The following TOMM70 variants were observed in gnomAD, a reference collection of about 807,000 sequenced individuals.
TOMM70 encodes translocase of outer mitochondrial membrane 70.
In TOMM70, 13 loss-of-function variants were observed where a neutral mutation model predicts 73.6. The ratio of observed to expected loss-of-function variants is 0.18; its 90% CI spans 0.11 to 0.28. The LOEUF (loss-of-function observed/expected upper bound fraction) is 0.28. Among genes scored for constraint, TOMM70 ranks in the 10% least tolerant of loss-of-function variants. The pLI, the probability that TOMM70 is intolerant of heterozygous loss-of-function variation, is 1.00. For missense variants in TOMM70, 609 were observed against 747.5 expected (o/e 0.81, Z 2.16); for synonymous variants, 257 against 271.2 (o/e 0.95, Z 0.51).
chr3:100,368,680 A>T (rs1211338872), intron 10 of TOMM70, among the ~76,000 whole-genome samples: 1 of 152,060 alleles, frequency 6.6e-6, no homozygotes. Flanking sequence ...GGTTCAAGTG[A>T]TTCTCACTCC....
At chr3:100,368,810 A>T (rs761877988) in intron 10 of TOMM70, among the ~76,000 whole-genome samples, 2 of 152,176 alleles carry the variant, frequency 1.3e-5, no homozygotes, top group Non-Finnish European at 2.9e-5. Flanking sequence ...TCCCAACCTC[A>T]GATGATCTGC....
At chr3:100,371,834 T>G (rs993690339) in intron 9 of TOMM70, among the ~76,000 whole-genome samples, 1 of 152,050 alleles carries the variant, frequency 6.6e-6, no homozygotes. Flanking sequence ...TGCTGCAGAT[T>G]TGACAGTGAC....
intron 11 of TOMM70, among the ~76,000 whole-genome samples, 163 bp from the exon 12 acceptor site, chr3:100,365,880 T>C (rs1275995227): frequency 6.6e-6 from 1 of 152,208 alleles, no homozygotes; most frequent in Non-Finnish European, 1.5e-5. Flanking sequence ...AAGTTTCTAC[T>C]ATGATTCTAG....
intron 9 of TOMM70, among the ~76,000 whole-genome samples, chr3:100,370,840 G>A (rs1706501812): frequency 6.6e-6 from 1 of 152,108 alleles, no homozygotes; most frequent in African/African-American, 2.4e-5. Context: ...ATGGTAATAG[G>A]GAAATATGCT....
intron 6 of TOMM70, among the ~76,000 whole-genome samples, chr3:100,375,835 T>C (rs1576212113): frequency 6.6e-6 from 1 of 152,330 alleles, no homozygotes; most frequent in East Asian, 1.9e-4. Flanking sequence ...CACCCAGCTC[T>C]CATGTACAAG....
chr3:100,374,903 T>C, intron 7 of TOMM70, 115 bp downstream of exon 7: 1 of 1,229,936 alleles, frequency 8.1e-7, no homozygotes, highest in South Asian at 2.0e-5. Context: ...GATACTTTGT[T>C]CACAGCTATC....
chr3:100,365,493 C>G lies in TOMM70; in HGVS notation c.*71G>C, dbSNP rs1706438881. On this transcript the variant is annotated 3_prime_UTR_variant, in exon 12 of 12. Transcript: ENST00000284320. ...TTCCACCATTCAACACAGTTCATGA[C>G]AGTGTCTTTAGGGTTCAGTTGAAGA... 1.9e-6 allele frequency: 3 copies of G among 1,591,444 alleles called. No individual in the cohort carries two copies. The highest frequency in any genetic ancestry group is 3.3e-4 in the Middle Eastern group (2 of 5,986).
In TOMM70 at chr3:100,376,470, C is replaced by T. The variant is rs1706567851; in HGVS notation, c.1092+1235G>A. On this transcript the variant is annotated intron_variant, in intron 6 of 11. Coordinates refer to ENST00000284320, the MANE Select transcript of TOMM70 (RefSeq NM_014820.5). ...ACTTGACCTCCCAGGTACAGGTGAT[C>T]CTCCCATCTCAGCCTCCTGAGTAGC... Among the ~76,000 whole-genome samples the T allele has an allele frequency of 4.7e-5, 7 of 150,226 alleles. No individual in the cohort carries two copies. In the South Asian group the frequency reaches 1.5e-3, roughly 32 times the overall value.
In TOMM70 at chr3:100,401,089, G is replaced by A; in HGVS notation, c.-140C>T. 1.1e-6 allele frequency: 1 copy of A among 930,350 alleles called. No individual in the cohort carries two copies. The highest frequency in any genetic ancestry group is 2.9e-5 in the East Asian group (1 of 34,184). The allele number at this position is 930,350 out of a possible 1,614,324, so 57.6% of individuals were successfully genotyped here. A position where few individuals can be genotyped will look rare whatever the true frequency, so the allele number is the denominator to read the frequency against. On this transcript the variant is annotated 5_prime_UTR_variant, in exon 1 of 12. Transcript: ENST00000284320. ...GGCAGAGAGAGCGGACGACAGAAAAGGGCCAGAGGTCACCGGAAGCCCAGG... is the reference window on the plus strand; with the variant it reads ...GGCAGAGAGAGCGGACGACAGAAAAAGGCCAGAGGTCACCGGAAGCCCAGG...
At chr3:100,380,747 A>G (rs1706624458) in intron 5 of TOMM70, among the ~76,000 whole-genome samples, 1 of 152,214 alleles carries the variant, frequency 6.6e-6, no homozygotes, top group Non-Finnish European at 1.5e-5. Flanking sequence ...AATCTTCTCA[A>G]AGATTGTGTA....
intron 11 of TOMM70, among the ~76,000 whole-genome samples, chr3:100,367,274 G>GA (rs1706455793): frequency 6.7e-6 from 1 of 148,808 alleles, no homozygotes; most frequent in Non-Finnish European, 1.5e-5. Context: ...ATGGTTAAAA[G>GA]AAACACAATT....
chr3:100,372,739 C>T lies in TOMM70; in HGVS notation c.1336-17G>A. 6.3e-7 allele frequency: 1 copy of T among 1,591,174 alleles called. No individual in the cohort carries two copies. The highest frequency in any genetic ancestry group is 8.6e-7 in the Non-Finnish European group (1 of 1,165,260). ...CTGGCGGTACTATAAAAAATCAAAA[C>T]AGGCCTGTCAAATCAAGAACTCAAA... is the stretch of plus-strand genomic sequence containing the variant. On this transcript the variant is annotated splice_polypyrimidine_tract_variant and intron_variant, in intron 8 of 11. Coordinates refer to ENST00000284320, the MANE Select transcript of TOMM70 (RefSeq NM_014820.5).
intron 4 of TOMM70, among the ~76,000 whole-genome samples, 176 bp downstream of exon 4, chr3:100,384,303 C>T (rs1706667146): frequency 6.6e-6 from 1 of 152,148 alleles, no homozygotes. Flanking sequence ...AGCATATATT[C>T]TTACTGAAGA....
At position 100,400,917 on chromosome 3, in the gene TOMM70, C is replaced by G; in HGVS notation, c.33G>C (p.Val11=). Residue 11 remains valine, a synonymous_variant, in exon 1 of 12, where the codon GTG becomes GTC. Coordinates refer to ENST00000284320, the MANE Select transcript of TOMM70 (RefSeq NM_014820.5). The part of the protein sequence containing the change: MAASKPVEAA[V]VAAAVPSSGS... ...CGGAGCTCGGTACAGCGGCTGCGAC[C>G]ACCGCTGCCTCCACAGGTTTAGAGG... 1 of 1,532,508 alleles carries G rather than the reference C, an allele frequency of 6.5e-7. No individual in the cohort carries two copies. Among genetic ancestry groups the G allele is most frequent in the Non-Finnish European group, 8.7e-7 (1 of 1,146,138 alleles). 94.9% of individuals were successfully genotyped at this position (1,532,508 alleles called of 1,614,324 possible). A position where few individuals can be genotyped will look rare whatever the true frequency, so the allele number is the denominator to read the frequency against.
At chr3:100,372,825 G>T in intron 8 of TOMM70, 103 bp from the exon 9 acceptor site, 2 of 989,732 alleles carry the variant, frequency 2.0e-6, no homozygotes, top group Non-Finnish European at 3.0e-6. Context: ...AAAAACAGGT[G>T]ATTTGCTAAC....
At chr3:100,368,620 G>C (rs142266683) in intron 10 of TOMM70, among the ~76,000 whole-genome samples, 1 of 152,274 alleles carries the variant, frequency 6.6e-6, no homozygotes, top group Non-Finnish European at 1.5e-5. Context: ...CTGCCGCCCA[G>C]GCTGGAGAGC....
At chr3:100,382,230 CA>C (rs902665692) in intron 4 of TOMM70, among the ~76,000 whole-genome samples, 7 of 152,164 alleles carry the variant, frequency 4.6e-5, no homozygotes, top group Admixed American at 4.6e-4. Context: ...ATAACACACC[CA>C]AAAGGCTCTC....
At chr3:100,372,182 T>G (rs567577088) in intron 9 of TOMM70, 3 of 153,644 alleles carry the variant, frequency 2.0e-5, no homozygotes, top group African/African-American at 7.2e-5. Context: ...ACCAAGAGAG[T>G]TTCAGGAATT....
At chr3:100,390,019 G>A (rs1032225848) in intron 1 of TOMM70, among the ~76,000 whole-genome samples, 2 of 152,040 alleles carry the variant, frequency 1.3e-5, no homozygotes, top group African/African-American at 4.8e-5. Flanking sequence ...CAGCCTGGGA[G>A]ACAGAGTGTG....
Sources: gnomAD v4.1 joint callset for allele counts (sites outside exome capture counted in the v4.1 genomes callset) on GRCh38, gnomAD v4.1.1 for gene constraint, MANE v1.5 for transcripts, NCBI Gene and HGNC (gene_info 2026-07-23, HGNC 2026-07-21) for gene names.